Variants in DPRX observed in about 807,000 individuals in gnomAD.
DPRX encodes the protein divergent-paired related homeobox, also known as divergent paired-related homeobox.
A neutral mutation model predicts 8.4 loss-of-function variants in DPRX; 11 were observed. The ratio of observed to expected loss-of-function variants is 1.31; its 90% CI spans 0.82 to 2.17. The LOEUF (loss-of-function observed/expected upper bound fraction) is 2.17, where lower values mean the gene tolerates loss of function less well. Ranked by LOEUF, DPRX falls within the 30% of genes most tolerant of loss-of-function variation. The pLI, the probability that DPRX is intolerant of heterozygous loss-of-function variation, is 0.00. For missense variants in DPRX, 211 were observed against 236.7 expected (o/e 0.89, Z 0.71); for synonymous variants, 72 against 87.0 (o/e 0.83, Z 0.96).
chr19:53,602,536 T>C, the DPRX span, among the ~76,000 whole-genome samples: 1 of 112,974 alleles, frequency 8.9e-6, no homozygotes, highest in Non-Finnish European at 1.7e-5. Context: ...ATTTTTTGTA[T>C]TTTTTTTTTT....
At chr19:53,620,252 G>A in the DPRX span, among the ~76,000 whole-genome samples, 1 of 151,892 alleles carries the variant, frequency 6.6e-6, no homozygotes. Flanking sequence ...TGTATTTTTA[G>A]TAGAGACAGG....
the DPRX span, among the ~76,000 whole-genome samples, chr19:53,611,447 G>A: frequency 2.0e-5 from 3 of 151,858 alleles, no homozygotes; most frequent in Non-Finnish European, 4.4e-5. Context: ...TGCCTACACT[G>A]GTCTTGGACT....
exon 1 of DPRX, chr19:53,632,111 C>T: frequency 6.2e-7 from 1 of 1,613,886 alleles, no homozygotes; most frequent in Non-Finnish European, 8.5e-7. Context: ...TAGAAGATGC[C>T]AGGCTCAGAG....
At chr19:53,618,110 T>C in the DPRX span, among the ~76,000 whole-genome samples, 1 of 147,768 alleles carries the variant, frequency 6.8e-6, no homozygotes, top group Non-Finnish European at 1.5e-5. Context: ...GCCACTGCAC[T>C]CCAGCCTGGG....
At chr19:53,625,353 C>G in the DPRX span, among the ~76,000 whole-genome samples, 3 of 152,062 alleles carry the variant, frequency 2.0e-5, no homozygotes, top group Non-Finnish European at 2.9e-5. Context: ...CGTGTCTGGC[C>G]CTGATCACAG....
At chr19:53,636,960 G>A in exon 3 of DPRX, 1 of 1,608,820 alleles carries the variant, frequency 6.2e-7, no homozygotes, top group Non-Finnish European at 8.5e-7. Context: ...TCTCCTGCCT[G>A]TTCATCTAAC....
At chr19:53,601,126 C>T in the DPRX span, 1 of 391,400 alleles carries the variant, frequency 2.6e-6, no homozygotes, top group Admixed American at 2.9e-5. Context: ...AAGCGATGCT[C>T]CTGCCTTCAT....
At chr19:53,621,602 C>A in the DPRX span, among the ~76,000 whole-genome samples, 11 of 152,008 alleles carry the variant, frequency 7.2e-5, no homozygotes, top group Non-Finnish European at 1.3e-4. Flanking sequence ...TCCAGACCAG[C>A]CTGGCCAACA....
At chr19:53,602,267 G>GGGGTGTGT in the DPRX span, 2 of 276,096 alleles carry the variant, frequency 7.2e-6, no homozygotes, top group Non-Finnish European at 1.4e-5. Context: ...TATGGGTATG[G>GGGGTGTGT]GTGTGTGTGT....
At chr19:53,617,927 C>T in the DPRX span, among the ~76,000 whole-genome samples, 1 of 152,016 alleles carries the variant, frequency 6.6e-6, no homozygotes, top group Non-Finnish European at 1.5e-5. Flanking sequence ...ATCACGAGGT[C>T]AGGAGTTCCA....
the DPRX span, among the ~76,000 whole-genome samples, chr19:53,625,490 A>G: frequency 6.6e-6 from 1 of 151,906 alleles, no homozygotes; most frequent in Non-Finnish European, 1.5e-5. Context: ...TGCATTATAC[A>G]AGCAGTGGTC....
At chr19:53,614,562 T>A in the DPRX span, among the ~76,000 whole-genome samples, 1,108 of 151,948 alleles carry the variant, frequency 7.3e-3, 7 homozygotes, top group Non-Finnish European at 0.013. Flanking sequence ...AAAAAAAAAA[T>A]TTTTAATGAA....
At chr19:53,611,566 C>T in the DPRX span, among the ~76,000 whole-genome samples, 4 of 151,862 alleles carry the variant, frequency 2.6e-5, no homozygotes, top group African/African-American at 4.8e-5. Flanking sequence ...GAGATGATTG[C>T]GGTACGATTT....
upstream of DPRX, among the ~76,000 whole-genome samples, chr19:53,629,410 A>G (rs570019883): frequency 5.9e-5 from 9 of 151,838 alleles, no homozygotes; most frequent in East Asian, 1.8e-3. Context: ...AAGCCAGCAC[A>G]CAAAAGGTTA....
At chr19:53,613,921 CT>C in the DPRX span, among the ~76,000 whole-genome samples, 1 of 151,258 alleles carries the variant, frequency 6.6e-6, no homozygotes, top group Non-Finnish European at 1.5e-5. Context: ...GTGTCCAAGC[CT>C]TTTGCCCATT....
upstream of DPRX, chr19:53,629,577 G>A (rs1002130456): frequency 3.3e-5 from 5 of 149,350 alleles, no homozygotes; most frequent in Non-Finnish European, 7.4e-5. Flanking sequence ...ACCTGGAAAA[G>A]ATAAATCCAG....
intron 1 of DPRX, 42 bp downstream of exon 1, chr19:53,632,176 GAAGTGGA>G (rs1434873402): frequency 6.2e-7 from 1 of 1,613,848 alleles, no homozygotes; most frequent in East Asian, 2.2e-5. Context: ...GACACGTGAA[GAAGTGGA>G]AAGCAGCTGG....
chr19:53,602,272 G>C, the DPRX span: 1 of 126,728 alleles, frequency 7.9e-6, no homozygotes, highest in South Asian at 7.2e-5. Flanking sequence ...GTATGGGTGT[G>C]TGTGTGTGTG....
chr19:53,608,974 A>AAG, the DPRX span, among the ~76,000 whole-genome samples: 1 of 90,074 alleles, frequency 1.1e-5, no homozygotes, highest in Non-Finnish European at 2.2e-5. Flanking sequence ...AAAAAAAAAA[A>AAG]GGAAAGAAAA....
Sources: gnomAD v4.1 joint callset for allele counts (sites outside exome capture counted in the v4.1 genomes callset) on GRCh38, gnomAD v4.1.1 for gene constraint, MANE v1.5 for transcripts, NCBI Gene and HGNC (gene_info 2026-07-23, HGNC 2026-07-21) for gene names.